AGBL4: variants seen among roughly 807,000 people sequenced by gnomAD.
AGBL4 encodes cytosolic carboxypeptidase 6.
In AGBL4, 58 loss-of-function variants were observed where a neutral mutation model predicts 66.4. The observed-to-expected ratio is 0.87, with a 90% confidence interval of 0.71 to 1.09. AGBL4 has a LOEUF of 1.09. AGBL4 is among the 50% of genes least tolerant of loss of function. AGBL4 has a pLI of 0.00. For missense variants in AGBL4, 579 were observed against 631.0 expected (o/e 0.92, Z 0.88); for synonymous variants, 234 against 222.9 (o/e 1.05, Z -0.44).
chr1:49,387,010 T>C (rs912188569), intron 3 of AGBL4, among the ~76,000 whole-genome samples: 1 of 151,994 alleles, frequency 6.6e-6, no homozygotes, highest in Non-Finnish European at 1.5e-5. Flanking sequence ...CAATAAATGT[T>C]AGATTATTAA....
intron 2 of AGBL4, among the ~76,000 whole-genome samples, chr1:49,839,590 T>C (rs887446893): frequency 6.6e-6 from 1 of 152,210 alleles, no homozygotes; most frequent in Non-Finnish European, 1.5e-5. Flanking sequence ...TTTTGAGGAA[T>C]AATGTAATAT....
intron 3 of AGBL4, among the ~76,000 whole-genome samples, chr1:49,501,290 C>A (rs543491085): frequency 2.0e-5 from 3 of 152,096 alleles, no homozygotes; most frequent in South Asian, 4.1e-4. Flanking sequence ...CTGGTATGTT[C>A]CTGAAAGAAT....
At chr1:49,323,497 A>T (rs1027886807) in intron 3 of AGBL4, among the ~76,000 whole-genome samples, 1 of 131,368 alleles carries the variant, frequency 7.6e-6, no homozygotes, top group African/African-American at 3.0e-5. Context: ...AGGTTTCACC[A>T]TGTTGCCCAG....
chr1:49,719,479 T>A (rs1031292881), intron 2 of AGBL4, among the ~76,000 whole-genome samples: 3 of 152,122 alleles, frequency 2.0e-5, no homozygotes, highest in African/African-American at 7.2e-5. Flanking sequence ...CCTGATAACA[T>A]GTTTGTGATC....
chr1:48,994,359 C>T (rs1038459962), intron 5 of AGBL4, among the ~76,000 whole-genome samples: 1 of 152,146 alleles, frequency 6.6e-6, no homozygotes, highest in Non-Finnish European at 1.5e-5. Flanking sequence ...CTACTTCCTC[C>T]CTGTACTATG....
At chr1:48,776,648 C>A in intron 6 of AGBL4, 4 of 1,490,156 alleles carry the variant, frequency 2.7e-6, no homozygotes, top group Non-Finnish European at 3.6e-6. Context: ...AACAGCGCGC[C>A]CCAGTCGCGG....
Position 48,618,003 on chromosome 1 carries a change from G to A in AGBL4, c.951+16490C>T, listed in dbSNP as rs368966534. Among the ~76,000 whole-genome samples, 191 of 152,254 alleles carry A rather than the reference G, an allele frequency of 1.3e-3. 2 individuals are homozygous for A. In the South Asian group the frequency reaches 0.033, roughly 26 times the overall value. ...TGGGCCACCTAGAGTCAGAAGAACC[G>A]AGATTCAATACTGACTCTGTCTCTT... On this transcript the variant is annotated intron_variant, in intron 9 of 13. Transcript: ENST00000371839.
At chr1:48,883,730 T>C (rs1650012680) in intron 5 of AGBL4, among the ~76,000 whole-genome samples, 6 of 152,168 alleles carry the variant, frequency 3.9e-5, no homozygotes, top group Admixed American at 3.9e-4. Flanking sequence ...TGCCCAATAA[T>C]ACACTTCGAT....
chr1:49,034,163 A>G (rs866553867), intron 5 of AGBL4, among the ~76,000 whole-genome samples: 5 of 152,194 alleles, frequency 3.3e-5, no homozygotes, highest in Middle Eastern at 3.4e-3. Flanking sequence ...CCATTAAACT[A>G]ACCATCAGAC....
At chr1:49,666,191 A>C (rs1646363702) in intron 3 of AGBL4, among the ~76,000 whole-genome samples, 1 of 152,102 alleles carries the variant, frequency 6.6e-6, no homozygotes, top group African/African-American at 2.4e-5. Flanking sequence ...TCTGCTCTCT[A>C]TGTCTAGCAA....
chr1:48,789,456 T>A (rs1645490628), intron 6 of AGBL4, among the ~76,000 whole-genome samples: 1 of 151,832 alleles, frequency 6.6e-6, no homozygotes, highest in African/African-American at 2.4e-5. Context: ...GCTTGGCTAA[T>A]TTTTTTGTAT....
chr1:49,176,814 C>G (rs1646840787), intron 4 of AGBL4, among the ~76,000 whole-genome samples: 1 of 152,160 alleles, frequency 6.6e-6, no homozygotes, highest in Non-Finnish European at 1.5e-5. Flanking sequence ...GTCTCTCTCT[C>G]TCTTCCTTTC....
intron 6 of AGBL4, among the ~76,000 whole-genome samples, chr1:48,676,298 A>G (rs1646364313): frequency 6.6e-6 from 1 of 152,242 alleles, no homozygotes. Context: ...GAAGGTCTGA[A>G]GGTGCTGGCA....
intron 1 of AGBL4, among the ~76,000 whole-genome samples, chr1:49,860,254 CAG>C (rs1646535507): frequency 6.6e-6 from 1 of 151,978 alleles, no homozygotes; most frequent in Non-Finnish European, 1.5e-5. Flanking sequence ...GGAAAAAAAA[CAG>C]TGTGGGGTTG....
chr1:48,881,616 C>T (rs896259478), intron 5 of AGBL4, among the ~76,000 whole-genome samples: 2 of 152,176 alleles, frequency 1.3e-5, no homozygotes, highest in African/African-American at 4.8e-5. Flanking sequence ...TGGAAATACA[C>T]ATCTAGATAG....
chr1:48,715,093 C>A (rs1218308531), intron 6 of AGBL4, among the ~76,000 whole-genome samples: 1 of 152,170 alleles, frequency 6.6e-6, no homozygotes, highest in Non-Finnish European at 1.5e-5. Flanking sequence ...CAAGGACAAC[C>A]TTTCTGAAGA....
intron 3 of AGBL4, among the ~76,000 whole-genome samples, chr1:49,589,335 G>A (rs1644709949): frequency 2.0e-5 from 3 of 152,178 alleles, no homozygotes; most frequent in Middle Eastern, 3.4e-3. Flanking sequence ...GCAACACTGT[G>A]ACTTGAACCT....
intron 3 of AGBL4, among the ~76,000 whole-genome samples, chr1:49,317,136 T>C (rs978046401): frequency 7.2e-5 from 11 of 151,966 alleles, no homozygotes; most frequent in South Asian, 2.1e-4. Context: ...TAACTTTGTT[T>C]ATGTATTTTT....
intron 3 of AGBL4, among the ~76,000 whole-genome samples, chr1:49,251,681 G>A (rs1216468290): frequency 6.6e-6 from 1 of 152,184 alleles, no homozygotes; most frequent in East Asian, 1.9e-4. Flanking sequence ...GCATCTGCCA[G>A]CACTCTGCTG....
Sources: gnomAD v4.1 joint callset for allele counts (sites outside exome capture counted in the v4.1 genomes callset) on GRCh38, gnomAD v4.1.1 for gene constraint, MANE v1.5 for transcripts, NCBI Gene and HGNC (gene_info 2026-07-23, HGNC 2026-07-21) for gene names.